Variants in ARHGAP19 observed in about 807,000 individuals in gnomAD.
ARHGAP19 encodes Rho GTPase activating protein 19.
A neutral mutation model predicts 60.9 loss-of-function variants in ARHGAP19; 48 were observed. The ratio of observed to expected loss-of-function variants is 0.79; its 90% confidence interval spans 0.62 to 1.00. The LOEUF is 1.00. Ranked by LOEUF, ARHGAP19 falls within the 50% of genes least tolerant of loss-of-function variation. The pLI, the probability that ARHGAP19 is intolerant of heterozygous loss-of-function variation, is 0.00. For synonymous variants in ARHGAP19, 209 were observed against 215.5 expected (o/e 0.97, Z 0.27); for missense variants, 562 against 597.2 (o/e 0.94, Z 0.61).
At position 97,229,157 on chromosome 10, in the gene ARHGAP19, CTCTT is replaced by C; in HGVS notation, c.1460_1463del (p.Lys487ArgfsTer53). 6.2e-7 allele frequency: 1 copy of C among 1,613,788 alleles called. No homozygotes were observed. Among genetic ancestry groups the C allele is most frequent in the Non-Finnish European group, 8.5e-7 (1 of 1,179,726 alleles). ...AAGTACAATTAGTACCTTTTTTCCC[CTCTT>C]TCTTCCCTTCAGACCACTTCAATCT... is the stretch of plus-strand genomic sequence containing the variant. On this transcript the variant is annotated frameshift_variant, in exon 11 of 12. Coordinates refer to ENST00000358531, the MANE Select transcript of ARHGAP19 (RefSeq NM_032900.6). LOFTEE classifies it high-confidence loss of function.
chr10:97,272,454 T>G (rs1842972771), intron 1 of ARHGAP19, among the ~76,000 whole-genome samples: 2 of 152,162 alleles, frequency 1.3e-5, no homozygotes, highest in African/African-American at 4.8e-5. Flanking sequence ...CTGAAAAAAT[T>G]TATGTGAGAT....
At chr10:97,263,733 C>T (rs940668702) in intron 3 of ARHGAP19, 104 bp from the exon 4 acceptor site, 11 of 1,171,222 alleles carry the variant, frequency 9.4e-6, no homozygotes, top group Non-Finnish European at 1.3e-5. Context: ...AGACCCTTCA[C>T]AAAGCCTTTC....
chr10:97,273,998 C>A (rs958151509), intron 1 of ARHGAP19, among the ~76,000 whole-genome samples: 11 of 151,856 alleles, frequency 7.2e-5, no homozygotes, highest in Non-Finnish European at 1.6e-4. Context: ...CACACACAGA[C>A]AACTACATAC....
chr10:97,229,672 G>C, intron 10 of ARHGAP19, 92 bp downstream of exon 10: 1 of 962,798 alleles, frequency 1.0e-6, no homozygotes, highest in East Asian at 2.4e-5. Context: ...ATGGCCCAAA[G>C]AAACACAGTA....
intron 1 of ARHGAP19, among the ~76,000 whole-genome samples, chr10:97,281,318 C>T (rs1843083423): frequency 6.6e-6 from 1 of 152,100 alleles, no homozygotes; most frequent in South Asian, 2.1e-4. Context: ...GGAGGATCAC[C>T]TAAGCCCAGG....
intron 3 of ARHGAP19, 101 bp downstream of exon 3, chr10:97,264,725 T>C (rs1381920387): frequency 5.2e-6 from 4 of 768,640 alleles, no homozygotes; most frequent in Non-Finnish European, 2.2e-6. Flanking sequence ...AGTTCCTTTG[T>C]TGATGGTTAA....
At position 97,224,285 on chromosome 10, in the gene ARHGAP19, C is replaced by T. The variant is rs573894622; in HGVS notation, c.*1837G>A. The stretch of plus-strand genomic sequence containing the variant: ...AATTTGGTGATACCCAAAGGGTTTT[C>T]TGTTTGAATTAACTGATATCTGGTG... On this transcript the variant is annotated 3_prime_UTR_variant, in exon 12 of 12. Transcript: ENST00000358531. 1 of 152,234 alleles carries T rather than the reference C, an allele frequency of 6.6e-6. No homozygotes were observed. The highest frequency in any genetic ancestry group is 2.1e-4 in the South Asian group (1 of 4,822). The allele number at this position is 152,234 out of a possible 1,614,324, so 9.4% of individuals were successfully genotyped here.
intron 1 of ARHGAP19, among the ~76,000 whole-genome samples, chr10:97,290,106 G>A (rs937725757): frequency 6.6e-6 from 1 of 151,750 alleles, no homozygotes; most frequent in African/African-American, 2.4e-5. Context: ...ACCCCCTTTG[G>A]GTCCCCTCCC....
chr10:97,237,545 T>C (rs1039694109), intron 8 of ARHGAP19, among the ~76,000 whole-genome samples: 1 of 152,106 alleles, frequency 6.6e-6, no homozygotes, highest in African/African-American at 2.4e-5. Context: ...GTCTAGTACA[T>C]ACCATTATAT....
chr10:97,242,796 G>A (rs1842509223), intron 8 of ARHGAP19, among the ~76,000 whole-genome samples: 1 of 152,102 alleles, frequency 6.6e-6, no homozygotes, highest in Non-Finnish European at 1.5e-5. Flanking sequence ...TTACAGGCGT[G>A]AGCCACCATG....
Position 97,259,531 on chromosome 10 carries a change from A to G in ARHGAP19, c.711T>C (p.Pro237=). Residue 237 remains proline (P), a synonymous_variant, in exon 5 of 12, where the codon CCT becomes CCC. Transcript: ENST00000358531. ...ALQLLFLILP[P]PNRNLLKLLL... is the part of the protein sequence containing the mutation. ...ATAACTTCAGCAAATTACGATTAGGAGGAGGGAGAATGAGGAAGAGCAACT... is the reference window on the plus strand; with the variant it reads ...ATAACTTCAGCAAATTACGATTAGGGGGAGGGAGAATGAGGAAGAGCAACT... 1 of 1,614,208 alleles carries G rather than the reference A, an allele frequency of 6.2e-7. No individual in the cohort carries two copies. Among genetic ancestry groups the G allele is most frequent in the Non-Finnish European group, 8.5e-7 (1 of 1,180,030 alleles).
intron 6 of ARHGAP19, among the ~76,000 whole-genome samples, chr10:97,253,828 C>T (rs1250360195): frequency 6.6e-6 from 1 of 152,072 alleles, no homozygotes; most frequent in Non-Finnish European, 1.5e-5. Context: ...CTAAGATCCA[C>T]TATAAGAATA....
intron 11 of ARHGAP19, among the ~76,000 whole-genome samples, chr10:97,226,934 A>C (rs543141704): frequency 6.6e-5 from 10 of 152,208 alleles, no homozygotes; most frequent in Admixed American, 2.6e-4. Context: ...TGTGGAGATG[A>C]CTTTGCCTCC....
At chr10:97,243,366 C>T (rs1307730272) in intron 8 of ARHGAP19, among the ~76,000 whole-genome samples, 1 of 152,192 alleles carries the variant, frequency 6.6e-6, no homozygotes, top group African/African-American at 2.4e-5. Context: ...CCCAAAGTCA[C>T]AGAACTAACT....
intron 11 of ARHGAP19, among the ~76,000 whole-genome samples, chr10:97,227,329 G>C (rs1850916016): frequency 6.6e-6 from 1 of 152,214 alleles, no homozygotes; most frequent in Non-Finnish European, 1.5e-5. Context: ...TGTCTGAAGA[G>C]AGTTCAGACC....
chr10:97,253,537 T>C (rs888553539), intron 6 of ARHGAP19, among the ~76,000 whole-genome samples: 2 of 152,142 alleles, frequency 1.3e-5, no homozygotes, highest in African/African-American at 4.8e-5. Flanking sequence ...GGTACAAACA[T>C]GTAGTGAGAT....
At chr10:97,282,471 T>C (rs1477814925) in intron 1 of ARHGAP19, among the ~76,000 whole-genome samples, 1 of 152,264 alleles carries the variant, frequency 6.6e-6, no homozygotes, top group Non-Finnish European at 1.5e-5. Flanking sequence ...AGCCAATTAA[T>C]AGAGTCTCTT....
At chr10:97,272,385 T>C (rs1452595520) in intron 1 of ARHGAP19, among the ~76,000 whole-genome samples, 1 of 152,118 alleles carries the variant, frequency 6.6e-6, no homozygotes, top group Non-Finnish European at 1.5e-5. Flanking sequence ...TCTGCCCGCC[T>C]TGGTATCCCA....
At chr10:97,264,648 G>T (rs1051166618) in intron 3 of ARHGAP19, among the ~76,000 whole-genome samples, 178 bp downstream of exon 3, 1 of 152,080 alleles carries the variant, frequency 6.6e-6, no homozygotes, top group African/African-American at 2.4e-5. Flanking sequence ...TAAAACAAAT[G>T]AATATATGAG....
Sources: allele counts gnomAD v4.1 joint callset (sites outside exome capture counted in the v4.1 genomes callset), GRCh38; gene constraint gnomAD v4.1.1; transcripts MANE v1.5; gene names NCBI Gene and HGNC (gene_info 2026-07-23, HGNC 2026-07-21).